MAP2: variants seen among roughly 807,000 people sequenced by gnomAD.
MAP2 encodes the protein microtubule associated protein 2.
A neutral mutation model predicts 137.6 loss-of-function variants in MAP2; 14 were observed. The observed-to-expected ratio is 0.10, with a 90% CI of 0.07 to 0.16. The LOEUF (loss-of-function observed/expected upper bound fraction) is 0.16. MAP2 is among the 10% of genes least tolerant of loss of function. The probability of loss-of-function intolerance (pLI) is 1.00; values close to 1 mark genes in which losing one functional copy is unlikely to be tolerated. For synonymous variants in MAP2, 786 were observed against 782.3 expected (o/e 1.00, Z -0.08); for missense variants, 2,088 against 2,191.5 (o/e 0.95, Z 0.94).
At chr2:209,478,059 T>G (rs73069101) in intron 1 of MAP2, among the ~76,000 whole-genome samples, 2,854 of 152,214 alleles carry the variant, frequency 0.019, 101 homozygotes, top group African/African-American at 0.064. Context: ...TTCTATTGTA[T>G]TAAGAAAGTG....
intron 3 of MAP2, among the ~76,000 whole-genome samples, chr2:209,590,972 C>T (rs991207767): frequency 6.6e-6 from 1 of 152,094 alleles, no homozygotes; most frequent in African/African-American, 2.4e-5. Flanking sequence ...CAAGTACATA[C>T]CATGTTTATG....
At position 209,633,242 on chromosome 2, in the gene MAP2, A is replaced by G. The variant is rs74510238; in HGVS notation, c.-30+8113A>G. ...CCCCTTGTCTGCCTTCCAAAAGCCT[A>G]TGTCTGTTCAATTCAAATGCCATTC... On this transcript the variant is annotated intron_variant, in intron 4 of 15. Transcript: ENST00000682079. Among the ~76,000 whole-genome samples the G allele has an allele frequency of 5.4e-3, 821 of 152,234 alleles. 6 individuals are homozygous for G. Among genetic ancestry groups the G allele is most frequent in the African/African-American group, 0.019 (798 of 41,568 alleles).
chr2:209,643,378 G>A (rs914459742), intron 4 of MAP2, among the ~76,000 whole-genome samples: 30 of 152,132 alleles, frequency 2.0e-4, no homozygotes, highest in Admixed American at 9.2e-4. Flanking sequence ...TCCCAGGAGG[G>A]AAAGTTCTAT....
chr2:209,451,435 T>C (rs1169215445), intron 1 of MAP2, among the ~76,000 whole-genome samples: 5 of 152,172 alleles, frequency 3.3e-5, no homozygotes, highest in Non-Finnish European at 7.4e-5. Context: ...ATTCCCACAG[T>C]GTCTGTGCCT....
chr2:209,679,402 CAGAT>C (rs139758748), intron 6 of MAP2, among the ~76,000 whole-genome samples: 43 of 151,292 alleles, frequency 2.8e-4, no homozygotes, highest in South Asian at 1.3e-3. Context: ...TGTATATAGG[CAGAT>C]AGATAGATAG....
chr2:209,454,531 T>C (rs1403552641), intron 1 of MAP2, among the ~76,000 whole-genome samples: 1 of 152,032 alleles, frequency 6.6e-6, no homozygotes, highest in Non-Finnish European at 1.5e-5. Flanking sequence ...GAGATAGGGT[T>C]TCACCATGTT....
rs1704674775 is a variant in MAP2, at chr2:209,468,315, TTC to T, written c.-221-39275_-221-39274del. On this transcript the variant is annotated intron_variant, in intron 1 of 15. Coordinates refer to ENST00000682079, the MANE Select transcript of MAP2 (RefSeq NM_001375505.1). ...ATGGAGGATTTTTTCAGTTTAGTGT[TTC>T]TTTTTTTTTTTTTTTTTTTTTGAGA... is the stretch of plus-strand genomic sequence containing the variant. Among the ~76,000 whole-genome samples, 3 of 113,122 alleles carry T rather than the reference TTC, an allele frequency of 2.7e-5. No homozygotes were observed. The South Asian group carries it at 9.8e-4, about 37-fold the overall frequency. 74.2% of individuals were successfully genotyped at this position (113,122 alleles called of 152,430 possible). A position where few individuals can be genotyped will look rare whatever the true frequency, so the allele number is the denominator to read the frequency against.
chr2:209,454,397 C>T (rs555093085), intron 1 of MAP2, among the ~76,000 whole-genome samples: 4 of 152,100 alleles, frequency 2.6e-5, no homozygotes, highest in Non-Finnish European at 5.9e-5. Flanking sequence ...TGCAGTGGCA[C>T]GATCTCTGCT....
In MAP2 at chr2:209,696,504, CTGTTGT is replaced by C. The variant is rs746830966; in HGVS notation, c.4181-28_4181-23del. 8 of 1,536,570 alleles carry C rather than the reference CTGTTGT, an allele frequency of 5.2e-6. 1 individual carries two copies. In the South Asian group the frequency reaches 8.4e-5, roughly 16 times the overall value. On this transcript the variant is annotated intron_variant, in intron 8 of 15. Coordinates refer to ENST00000682079, the MANE Select transcript of MAP2 (RefSeq NM_001375505.1). ...TGTACACTTGTTACTAATGTTTTCA[CTGTTGT>C]TGTTGTTGTCATGATTTGCTTTGAT...
intron 13 of MAP2, among the ~76,000 whole-genome samples, chr2:209,716,385 G>C (rs2067634928): frequency 6.6e-6 from 1 of 152,212 alleles, no homozygotes; most frequent in Non-Finnish European, 1.5e-5. Flanking sequence ...TTTATGTCAT[G>C]ACAGTTATTA....
At chr2:209,453,585 A>G (rs1700790924) in intron 1 of MAP2, among the ~76,000 whole-genome samples, 1 of 152,248 alleles carries the variant, frequency 6.6e-6, no homozygotes, top group African/African-American at 2.4e-5. Flanking sequence ...TAAAAATTAA[A>G]GCCTAAATCA....
intron 1 of MAP2, among the ~76,000 whole-genome samples, chr2:209,433,799 A>G (rs890893116): frequency 6.6e-6 from 1 of 152,012 alleles, no homozygotes; most frequent in African/African-American, 2.4e-5. Flanking sequence ...AGTTACATGC[A>G]TAATTAATTT....
chr2:209,522,310 C>T (rs1315079969), intron 2 of MAP2, among the ~76,000 whole-genome samples: 1 of 152,106 alleles, frequency 6.6e-6, no homozygotes, highest in East Asian at 1.9e-4. Flanking sequence ...CCAATGGCAC[C>T]TGTCACAAAA....
At chr2:209,640,886 T>TA (rs1437185130) in intron 4 of MAP2, among the ~76,000 whole-genome samples, 1 of 151,604 alleles carries the variant, frequency 6.6e-6, no homozygotes, top group Non-Finnish European at 1.5e-5. Flanking sequence ...TATTCTTTTT[T>TA]TTTTTTTTGT....
chr2:209,711,851 C>A (rs2065601002), intron 13 of MAP2, among the ~76,000 whole-genome samples: 2 of 152,022 alleles, frequency 1.3e-5, no homozygotes, highest in Admixed American at 1.3e-4. Context: ...AAAATCAGTT[C>A]TTTTAAAATA....
chr2:209,609,078 G>C (rs2085855207), intron 3 of MAP2, among the ~76,000 whole-genome samples: 1 of 151,874 alleles, frequency 6.6e-6, no homozygotes, highest in Non-Finnish European at 1.5e-5. Flanking sequence ...TTATATATAA[G>C]CTTCTTGAAA....
intron 2 of MAP2, among the ~76,000 whole-genome samples, chr2:209,523,285 AGTT>A (rs1377005786): frequency 6.6e-6 from 1 of 152,070 alleles, no homozygotes; most frequent in South Asian, 2.1e-4. Context: ...TTAGATTCCT[AGTT>A]GTTGAAGTCA....
intron 2 of MAP2, among the ~76,000 whole-genome samples, chr2:209,556,024 C>CTTTTTT (rs34673279): frequency 2.1e-4 from 28 of 134,052 alleles, no homozygotes; most frequent in Non-Finnish European, 2.3e-4. Context: ...GGCATTCTTT[C>CTTTTTT]TTTTTTTTTT....
intron 4 of MAP2, among the ~76,000 whole-genome samples, chr2:209,651,346 C>A (rs183739328): frequency 1.3e-5 from 2 of 152,138 alleles, no homozygotes; most frequent in African/African-American, 4.8e-5. Flanking sequence ...TATCTGGGGA[C>A]GGATTTGCAA....
Sources: gnomAD v4.1 joint callset for allele counts (sites outside exome capture counted in the v4.1 genomes callset) on GRCh38, gnomAD v4.1.1 for gene constraint, MANE v1.5 for transcripts, NCBI Gene and HGNC (gene_info 2026-07-23, HGNC 2026-07-21) for gene names.